Variants in ANKRD1 observed in about 807,000 individuals in gnomAD.
The protein encoded by ANKRD1 is ankyrin repeat domain-containing protein 1.
In ANKRD1, 32 loss-of-function variants were observed where a neutral mutation model predicts 40.1. The ratio of observed to expected loss-of-function variants is 0.80; its 90% CI spans 0.60 to 1.07. The LOEUF is 1.07. Among genes scored for constraint, ANKRD1 ranks in the 50% least tolerant of loss-of-function variants. The pLI, the probability that ANKRD1 is intolerant of heterozygous loss-of-function variation, is 0.00. For missense variants in ANKRD1, 359 were observed against 386.0 expected (o/e 0.93, Z 0.59); for synonymous variants, 149 against 141.2 (o/e 1.06, Z -0.39).
intron 1 of ANKRD1, 25 bp from the exon 2 acceptor site, chr10:90,920,373 T>C: frequency 6.2e-7 from 1 of 1,613,636 alleles, no homozygotes; most frequent in Non-Finnish European, 8.5e-7. Flanking sequence ...GATGGCAGCG[T>C]CAGAAGCAGC....
intron 1 of ANKRD1, 28 bp downstream of exon 1, chr10:90,920,973 T>G: frequency 6.2e-7 from 1 of 1,609,556 alleles, no homozygotes. Flanking sequence ...CCAGTTTTCA[T>G]TTTATAAAAT....
Position 90,920,302 on chromosome 10 carries a change from G to T in ANKRD1, c.74C>A (p.Pro25His), listed in dbSNP as rs1191329876. The change falls in exon 2 of 9, where the codon CCT (proline) becomes CAT (histidine). Residue 25 changes from proline to histidine, a missense_variant. Pro to His is a moderately conservative substitution (Grantham distance 77). Transcript: ENST00000371697. Reference protein sequence around the residue: ...NGNGEAGEFLPEDFRDGEYEA... With the variant: ...NGNGEAGEFLHEDFRDGEYEA... ...ATACTCTCCATCTCTGAAATCCTCAGGAAGGAATTCCCCTGCCTCCCCATT... is the reference window on the plus strand; with the variant it reads ...ATACTCTCCATCTCTGAAATCCTCATGAAGGAATTCCCCTGCCTCCCCATT... 1.9e-6 allele frequency: 3 copies of T among 1,614,020 alleles called. No homozygotes were observed. The highest frequency in any genetic ancestry group is 2.5e-6 in the Non-Finnish European group (3 of 1,180,032).
Position 90,921,087 on chromosome 10 carries a change from T to C in ANKRD1, c.-60A>G. The C allele has an allele frequency of 6.5e-7, 1 of 1,540,966 alleles. No homozygotes were observed. The highest frequency in any genetic ancestry group is 9.0e-7 in the Non-Finnish European group (1 of 1,113,760). On this transcript the variant is annotated 5_prime_UTR_variant, in exon 1 of 9. Transcript: ENST00000371697. ...TGGAAGGAATCCCTGGAGTTGGCCCTGCTGGGCCCCTCCACACCGGTCAGC... is the reference window on the plus strand; with the variant it reads ...TGGAAGGAATCCCTGGAGTTGGCCCCGCTGGGCCCCTCCACACCGGTCAGC...
chr10:90,920,276 C>A lies in ANKRD1; in HGVS notation c.100G>T (p.Glu34Ter), dbSNP rs1130407. 6.2e-7 allele frequency: 1 copy of A among 1,614,120 alleles called. No homozygotes were observed. Among genetic ancestry groups the A allele is most frequent in the East Asian group, 2.2e-5 (1 of 44,874 alleles). The change falls in exon 2 of 9, where the codon GAA becomes TAA. Residue 34 changes from glutamate to a stop codon, truncating the protein, a stop_gained. Transcript: ENST00000371697. LOFTEE classifies it high-confidence loss of function. ...LPEDFRDGEY[E>*]AAVTLEKQED... ...TGCTTCTCTAAAGTAACAGCAGCTT[C>A]ATACTCTCCATCTCTGAAATCCTCA...
chr10:90,918,031 A>G (rs930742692), intron 4 of ANKRD1, among the ~76,000 whole-genome samples: 11 of 152,234 alleles, frequency 7.2e-5, no homozygotes, highest in Admixed American at 2.0e-4. Flanking sequence ...GCTTCCTCCA[A>G]TATACATTTC....
chr10:90,916,301 A>C (rs1201641975), intron 5 of ANKRD1, 32 bp from the exon 6 acceptor site: 1 of 1,524,852 alleles, frequency 6.6e-7, no homozygotes, highest in African/African-American at 1.4e-5. Flanking sequence ...GACAATGTGA[A>C]GGAGAATGTG....
intron 8 of ANKRD1, among the ~76,000 whole-genome samples, chr10:90,913,436 T>TA (rs1171019514): frequency 6.6e-6 from 1 of 152,218 alleles, no homozygotes; most frequent in Non-Finnish European, 1.5e-5. Flanking sequence ...CTTAAGGACT[T>TA]AGGTACTGCT....
intron 5 of ANKRD1, among the ~76,000 whole-genome samples, chr10:90,916,763 A>G (rs566519701): frequency 4.5e-4 from 69 of 152,346 alleles, no homozygotes; most frequent in Non-Finnish European, 7.8e-4. Context: ...AAACACATGT[A>G]TTTAAAAATT....
At position 90,912,215 on chromosome 10, in the gene ANKRD1, C is replaced by G. The variant is rs1372910128; in HGVS notation, c.*651G>C. ...TTGAGCAAATTCAATTCTGCATGTC[C>G]CAGTTTGCCGCTCCTTCCACTGATT... On this transcript the variant is annotated 3_prime_UTR_variant, in exon 9 of 9. Transcript: ENST00000371697. 2 of 142,664 alleles carry G rather than the reference C, an allele frequency of 1.4e-5. No individual in the cohort carries two copies. Among genetic ancestry groups the G allele is most frequent in the African/African-American group, 2.6e-5 (1 of 39,114 alleles). 8.8% of individuals were successfully genotyped at this position (142,664 alleles called of 1,614,324 possible).
intron 2 of ANKRD1, among the ~76,000 whole-genome samples, chr10:90,919,717 A>G (rs1382797524): frequency 6.6e-6 from 1 of 152,238 alleles, no homozygotes; most frequent in African/African-American, 2.4e-5. Flanking sequence ...TCTAAAACAG[A>G]CTGTCCAGGG....
rs368136577 is a variant in ANKRD1, at chr10:90,914,766, C to A, written c.849+777G>T. 5.4e-4 allele frequency among the ~76,000 whole-genome samples: 61 copies of A among 113,106 alleles called. 1 individual carries two copies. In the South Asian group the frequency reaches 0.015, roughly 27 times the overall value. The allele number at this position is 113,106 out of a possible 152,430, so 74.2% of individuals were successfully genotyped here. ...TTGTAAAGTGATTCTTCAAAAGCTT[C>A]TTTAAAATTATTTCTTCAGAAATTT... On this transcript the variant is annotated intron_variant, in intron 8 of 8. Transcript: ENST00000371697.
chr10:90,918,948 A>G lies in ANKRD1; in HGVS notation c.370T>C (p.Phe124Leu), dbSNP rs750012924. The change falls in exon 4 of 9, where the codon TTT becomes CTT. Residue 124 changes from phenylalanine (F) to leucine (L), a missense_variant. Coordinates refer to ENST00000371697, the MANE Select transcript of ANKRD1 (RefSeq NM_014391.3). Reference protein sequence around the residue: ...IITEPVDVPTFLKAALENKLP... With the variant: ...IITEPVDVPTLLKAALENKLP... ...TTATTCTCCAGAGCAGCCTTCAGAAACGTAGGCACATCCACAGGTTCCGTC... is the reference window on the plus strand; with the variant it reads ...TTATTCTCCAGAGCAGCCTTCAGAAGCGTAGGCACATCCACAGGTTCCGTC... The G allele has an allele frequency of 6.2e-7, 1 of 1,609,072 alleles. No homozygotes were observed. Among genetic ancestry groups the G allele is most frequent in the Non-Finnish European group, 8.5e-7 (1 of 1,178,994 alleles).
At position 90,912,825 on chromosome 10, in the gene ANKRD1, A is replaced by G; in HGVS notation, c.*41T>C. 6.4e-7 allele frequency: 1 copy of G among 1,572,546 alleles called. No individual in the cohort carries two copies. The highest frequency in any genetic ancestry group is 8.8e-7 in the Non-Finnish European group (1 of 1,142,362). On this transcript the variant is annotated 3_prime_UTR_variant, in exon 9 of 9. Transcript: ENST00000371697. ...TCTTCTCTTGGGCCATGCCTTCAAAATGCCAGTGAACATTTACTGATTAAG... is the reference window on the plus strand; with the variant it reads ...TCTTCTCTTGGGCCATGCCTTCAAAGTGCCAGTGAACATTTACTGATTAAG...
intron 8 of ANKRD1, among the ~76,000 whole-genome samples, chr10:90,913,945 T>C (rs1472670782): frequency 2.0e-5 from 3 of 152,186 alleles, no homozygotes; most frequent in Non-Finnish European, 4.4e-5. Context: ...AAAAGAGTTA[T>C]GTGCACAGAC....
chr10:90,913,101 C>A, intron 8 of ANKRD1, 125 bp from the exon 9 acceptor site: 1 of 889,570 alleles, frequency 1.1e-6, no homozygotes, highest in Non-Finnish European at 1.8e-6. Flanking sequence ...TGGTTTCCAC[C>A]AGGAGTGATC....
chr10:90,919,234 A>G lies in ANKRD1; in HGVS notation c.242T>C (p.Leu81Pro), dbSNP rs1196778268. 2 of 1,608,550 alleles carry G rather than the reference A, an allele frequency of 1.2e-6. No individual in the cohort carries two copies. The highest frequency in any genetic ancestry group is 3.4e-5 in the Admixed American group (2 of 59,420). ...TATTTCAAGGTCTTCTAAATTTTCAAGCTTTGATCTTTGTTCTAGTTTTTT... is the reference window on the plus strand; with the variant it reads ...TATTTCAAGGTCTTCTAAATTTTCAGGCTTTGATCTTTGTTCTAGTTTTTT... ...KKKKLEQRSK[L>P]ENLEDLEIII... Residue 81 changes from leucine (L) to proline (P), a missense_variant, in exon 3 of 9, where the codon CTT becomes CCT. Physicochemically the swap from Leu to Pro is moderately conservative, Grantham distance 98 (BLOSUM62 -3). Coordinates refer to ENST00000371697, the MANE Select transcript of ANKRD1 (RefSeq NM_014391.3).
In ANKRD1 at chr10:90,920,214, G is replaced by T. The variant is rs550055443; in HGVS notation, c.162C>A (p.Thr54=). 3 of 1,613,954 alleles carry T rather than the reference G, an allele frequency of 1.9e-6. No homozygotes were observed. The highest frequency in any genetic ancestry group is 1.1e-5 in the South Asian group (1 of 91,024). Residue 54 remains threonine, a synonymous_variant, in exon 2 of 9, where the codon ACC becomes ACA. Coordinates refer to ENST00000371697, the MANE Select transcript of ANKRD1 (RefSeq NM_014391.3). The part of the protein sequence containing the change: ...DLKTLLAHPV[T]LGEQQWKSEK... ...CGCTTTTCCACTGTTGCTCCCCCAG[G>T]GTCACAGGGTGGGCTAGAAGTGTCT...
At position 90,915,892 on chromosome 10, in the gene ANKRD1, GA is replaced by G. The variant is rs3839929; in HGVS notation, c.652-13del. On this transcript the variant is annotated splice_polypyrimidine_tract_variant and intron_variant, in intron 6 of 8. Coordinates refer to ENST00000371697, the MANE Select transcript of ANKRD1 (RefSeq NM_014391.3). Reference sequence around the variant, plus strand: ...GCTGTGCTGAGCAACTGGAAAATTGGAAAACGCTGCTGATTCGCTAGGAATG... The same window carrying G: ...GCTGTGCTGAGCAACTGGAAAATTGGAAACGCTGCTGATTCGCTAGGAATG... 0.16 allele frequency: 252,485 copies of G among 1,611,048 alleles called. 20,419 individuals are homozygous for G. The highest frequency in any genetic ancestry group is 0.23 in the African/African-American group (16,929 of 74,548).
Position 90,919,274 on chromosome 10 carries a change from A to T in ANKRD1, c.208-6T>A. ...TCTAGTTTTTTCTTTTTGAGCTAAAAAAGAAATTCGTATTTCAAAAATATG... is the reference window on the plus strand; with the variant it reads ...TCTAGTTTTTTCTTTTTGAGCTAAATAAGAAATTCGTATTTCAAAAATATG... On this transcript the variant is annotated splice_region_variant and splice_polypyrimidine_tract_variant and intron_variant, in intron 2 of 8. Coordinates refer to ENST00000371697, the MANE Select transcript of ANKRD1 (RefSeq NM_014391.3). 1 of 1,600,016 alleles carries T rather than the reference A, an allele frequency of 6.2e-7. No homozygotes were observed. The highest frequency in any genetic ancestry group is 8.5e-7 in the Non-Finnish European group (1 of 1,175,064).
Sources: allele counts gnomAD v4.1 joint callset (sites outside exome capture counted in the v4.1 genomes callset), GRCh38; gene constraint gnomAD v4.1.1; transcripts MANE v1.5; gene names NCBI Gene and HGNC (gene_info 2026-07-23, HGNC 2026-07-21).